The following MTUS2 variants were observed in gnomAD, a reference collection of about 807,000 sequenced individuals.
MTUS2 encodes the protein microtubule-associated tumor suppressor candidate 2.
Under a neutral mutation model 114.1 loss-of-function variants are expected in MTUS2, and 40 were observed. The observed-to-expected ratio is 0.35, with a 90% confidence interval of 0.27 to 0.46. The LOEUF is 0.46. MTUS2 is among the 20% of genes least tolerant of loss of function. The pLI is 1.00. For synonymous variants in MTUS2, 688 were observed against 672.0 expected (o/e 1.02, Z -0.37); for missense variants, 1,679 against 1,705.4 (o/e 0.98, Z 0.27).
At chr13:29,164,130 C>A (rs577041277) in intron 5 of MTUS2, among the ~76,000 whole-genome samples, 1 of 152,136 alleles carries the variant, frequency 6.6e-6, no homozygotes, top group South Asian at 2.1e-4. Context: ...ACCATAAAAC[C>A]TACCCAAACC....
At chr13:29,197,530 C>T (rs867440481) in intron 5 of MTUS2, among the ~76,000 whole-genome samples, 7 of 152,118 alleles carry the variant, frequency 4.6e-5, no homozygotes, top group African/African-American at 7.2e-5. Flanking sequence ...AATAAACATA[C>T]GTGTGCATGT....
intron 6 of MTUS2, chr13:29,307,345 G>A: frequency 1.4e-6 from 1 of 716,616 alleles, no homozygotes; most frequent in Non-Finnish European, 2.5e-6. Context: ...GACTGTGGAT[G>A]GACCATCCAG....
chr13:29,342,533 A>G (rs879596026), intron 7 of MTUS2, among the ~76,000 whole-genome samples: 3 of 152,038 alleles, frequency 2.0e-5, no homozygotes, highest in Non-Finnish European at 4.4e-5. Flanking sequence ...TGCTGAATTC[A>G]TGTGTCAGTT....
chr13:29,441,253 G>A (rs542609172), intron 9 of MTUS2, among the ~76,000 whole-genome samples: 2 of 152,026 alleles, frequency 1.3e-5, no homozygotes, highest in Admixed American at 6.5e-5. Flanking sequence ...TCCAACAGTC[G>A]GCTAGGAAAG....
At chr13:28,955,506 T>G (rs1385975363) in intron 2 of MTUS2, among the ~76,000 whole-genome samples, 1 of 152,172 alleles carries the variant, frequency 6.6e-6, no homozygotes, top group Non-Finnish European at 1.5e-5. Flanking sequence ...ATAAAAGGTC[T>G]CTGATGTAAG....
Position 29,026,478 on chromosome 13 carries a change from C to T in MTUS2, c.1780C>T (p.Pro594Ser). ...CAAAGTGCCTGACAAGAACACTTGCCCCAGTGGGATCCCCAAGCCTGTCTT... is the reference window on the plus strand; with the variant it reads ...CAAAGTGCCTGACAAGAACACTTGCTCCAGTGGGATCCCCAAGCCTGTCTT... ...SPKVPDKNTC[P>S]SGIPKPVFTH... The change falls in exon 3 of 16, where the codon CCC becomes TCC. Residue 594 changes from proline (P) to serine (S), a missense_variant. Physicochemically the swap from Pro to Ser is moderately conservative, Grantham distance 74. This residue lies in a region of MTUS2 where 843 missense variants were observed against 770.8 expected (regional missense o/e 1.09). Transcript: ENST00000612955. 1.2e-6 allele frequency: 2 copies of T among 1,613,946 alleles called. No individual in the cohort carries two copies. Among genetic ancestry groups the T allele is most frequent in the Non-Finnish European group, 1.7e-6 (2 of 1,179,882 alleles).
At chr13:29,482,733 A>G (rs542524872) in intron 10 of MTUS2, among the ~76,000 whole-genome samples, 1 of 152,338 alleles carries the variant, frequency 6.6e-6, no homozygotes, top group Admixed American at 6.5e-5. Flanking sequence ...AGAGTTTCAC[A>G]TCTTATCCTC....
chr13:29,426,844 G>A (rs1876576012), intron 8 of MTUS2, among the ~76,000 whole-genome samples: 1 of 152,180 alleles, frequency 6.6e-6, no homozygotes, highest in African/African-American at 2.4e-5. Context: ...TCTTCTGTTG[G>A]TGGATGTTCT....
Position 29,153,200 on chromosome 13 carries a change from A to G in MTUS2, c.2644+52230A>G, listed in dbSNP as rs190693503. Among the ~76,000 whole-genome samples, 867 of 152,260 alleles carry G rather than the reference A, an allele frequency of 5.7e-3. 11 individuals are homozygous for G. Among genetic ancestry groups the G allele is most frequent in the African/African-American group, 0.02 (821 of 41,546 alleles). ...TGATGGCTCTTGACACTTCAGTCCA[A>G]AGTGAAGCCCAGCTTCCTAGCAAGA... On this transcript the variant is annotated intron_variant, in intron 5 of 15. Coordinates refer to ENST00000612955, the MANE Select transcript of MTUS2 (RefSeq NM_001033602.4).
intron 4 of MTUS2, among the ~76,000 whole-genome samples, chr13:29,065,378 G>C (rs974276700): frequency 1.3e-5 from 2 of 152,024 alleles, no homozygotes; most frequent in African/African-American, 2.4e-5. Context: ...CTCTAATTGT[G>C]AGTGATATTG....
rs1309873579 is a variant in MTUS2 at position 29,100,681 on chromosome 13, G to A, written c.2447-92G>A. 8 of 1,398,218 alleles carry A rather than the reference G, an allele frequency of 5.7e-6. No homozygotes were observed. In the African/African-American group the frequency reaches 1.0e-4, roughly 18 times the overall value. The allele number at this position is 1,398,218 out of a possible 1,614,324, so 86.6% of individuals were successfully genotyped here. ...GCAAGATTAATTTTAGTCTGTTTATGATAGAACTGGGTTCGAATTCATAAT... is the reference window on the plus strand; with the variant it reads ...GCAAGATTAATTTTAGTCTGTTTATAATAGAACTGGGTTCGAATTCATAAT... On this transcript the variant is annotated intron_variant, in intron 4 of 15. Transcript: ENST00000612955.
At chr13:28,855,747 A>G (rs1343174293) in intron 2 of MTUS2, among the ~76,000 whole-genome samples, 3 of 152,140 alleles carry the variant, frequency 2.0e-5, no homozygotes, top group African/African-American at 7.2e-5. Context: ...ACATGCATGT[A>G]TCTTTGTAAT....
chr13:29,251,188 T>C (rs1396685355), intron 5 of MTUS2, among the ~76,000 whole-genome samples: 1 of 152,088 alleles, frequency 6.6e-6, no homozygotes, highest in Non-Finnish European at 1.5e-5. Context: ...AGCAGAAGCT[T>C]TGGGGTTAAA....
chr13:29,436,752 A>T (rs978832213), intron 8 of MTUS2, among the ~76,000 whole-genome samples: 9 of 150,682 alleles, frequency 6.0e-5, no homozygotes, highest in African/African-American at 2.2e-4. Context: ...CTCTAATCTC[A>T]CTTCTATCTC....
At chr13:29,174,054 T>A (rs2139129951) in intron 5 of MTUS2, among the ~76,000 whole-genome samples, 1 of 152,276 alleles carries the variant, frequency 6.6e-6, no homozygotes, top group African/African-American at 2.4e-5. Flanking sequence ...CTGATTTCAT[T>A]TGATTTTATA....
intron 3 of MTUS2, among the ~76,000 whole-genome samples, chr13:29,027,457 T>G (rs1350754966): frequency 6.6e-6 from 1 of 152,236 alleles, no homozygotes; most frequent in Non-Finnish European, 1.5e-5. Context: ...TGGGCCCATA[T>G]AATACAGCGT....
intron 7 of MTUS2, among the ~76,000 whole-genome samples, chr13:29,358,819 A>G (rs571190093): frequency 2.0e-5 from 3 of 152,266 alleles, no homozygotes; most frequent in Admixed American, 2.0e-4. Context: ...AGCAGCCTCT[A>G]CGGCGAAGAA....
intron 5 of MTUS2, among the ~76,000 whole-genome samples, chr13:29,253,232 C>T (rs1265990682): frequency 1.3e-5 from 2 of 151,948 alleles, no homozygotes; most frequent in Admixed American, 6.6e-5. Flanking sequence ...TTGAAACCAG[C>T]CTGACCAACA....
intron 8 of MTUS2, among the ~76,000 whole-genome samples, chr13:29,387,728 A>G (rs74979368): frequency 0.012 from 1,863 of 152,228 alleles, 18 homozygotes; most frequent in Non-Finnish European, 0.02. Context: ...AAGATTAGTT[A>G]TGGGGGATGT....
Sources: gnomAD v4.1 joint callset for allele counts (sites outside exome capture counted in the v4.1 genomes callset) on GRCh38, gnomAD v4.1.1 for gene constraint, gnomAD v4.1.1 regional missense constraint, MANE v1.5 for transcripts, NCBI Gene and HGNC (gene_info 2026-07-23, HGNC 2026-07-21) for gene names.